NR6A1: variants seen among roughly 807,000 people sequenced by gnomAD.
NR6A1 encodes retinoic acid receptor-related testis-associated receptor.
Under a neutral mutation model 59.1 loss-of-function variants are expected in NR6A1, and 7 were observed. That is an observed-to-expected ratio of 0.12 (90% CI 0.07 to 0.22). The LOEUF (loss-of-function observed/expected upper bound fraction) is 0.22, where lower values mean the gene tolerates loss of function less well. NR6A1 is among the 10% of genes least tolerant of loss of function. The pLI, the probability that NR6A1 is intolerant of heterozygous loss-of-function variation, is 1.00. For synonymous variants in NR6A1, 243 were observed against 236.1 expected, an observed-to-expected ratio of 1.03 and a Z score of -0.27; for missense variants, 468 against 611.6, an observed-to-expected ratio of 0.77 and a Z score of 2.48.
chr9:124,657,748 C>T lies in NR6A1; in HGVS notation c.142+75560G>A, dbSNP rs192186126. On this transcript the variant is annotated intron_variant, in intron 2 of 9. Transcript: ENST00000487099. ...GTCCATGCTTTCATAGCTTCCCCCC[C>T]CCAGCAACCCCTAATGTGACTAGGA... 3.3e-3 allele frequency among the ~76,000 whole-genome samples: 507 copies of T among 152,150 alleles called. 5 individuals are homozygous for T. The highest frequency in any genetic ancestry group is 0.012 in the African/African-American group (487 of 41,490).
intron 2 of NR6A1, among the ~76,000 whole-genome samples, chr9:124,580,961 T>C (rs189552286): frequency 6.6e-6 from 1 of 152,142 alleles, no homozygotes; most frequent in Admixed American, 6.5e-5. Flanking sequence ...TTGAACAGGA[T>C]AGAGAACCCA....
chr9:124,628,723 C>T (rs1031939232), intron 2 of NR6A1, among the ~76,000 whole-genome samples: 3 of 152,060 alleles, frequency 2.0e-5, no homozygotes, highest in Non-Finnish European at 2.9e-5. Context: ...TCACTGCAAC[C>T]TCCGCCTCCC....
chr9:124,533,893 C>T (rs534761499), intron 7 of NR6A1, among the ~76,000 whole-genome samples: 1 of 151,920 alleles, frequency 6.6e-6, no homozygotes, highest in East Asian at 1.9e-4. Flanking sequence ...TCGTGATCTG[C>T]CTGCCTCAGC....
chr9:124,593,792 C>T (rs554024477), intron 2 of NR6A1, among the ~76,000 whole-genome samples: 3 of 152,250 alleles, frequency 2.0e-5, no homozygotes, highest in African/African-American at 4.8e-5. Context: ...GCCTCTCTTA[C>T]GGCTCTCTCT....
chr9:124,588,065 T>A (rs1834986788), intron 2 of NR6A1, among the ~76,000 whole-genome samples: 1 of 152,228 alleles, frequency 6.6e-6, no homozygotes, highest in Non-Finnish European at 1.5e-5. Context: ...TTCTCCAAAG[T>A]GCTCACTTTG....
At position 124,643,532 on chromosome 9, in the gene NR6A1, G is replaced by A. The variant is rs188098477; in HGVS notation, c.143-88962C>T. On this transcript the variant is annotated intron_variant, in intron 2 of 9. Transcript: ENST00000487099. ...GGAGGATTGCTGGAGCCCAAGAGAC[G>A]AAGGGAGCAGTGAGCCAAGATTCCG... Among the ~76,000 whole-genome samples the A allele has an allele frequency of 3.8e-4, 58 of 151,118 alleles. 1 individual carries two copies. The East Asian group carries it at 3.9e-3, about 10-fold the overall frequency.
At chr9:124,726,046 C>T (rs939323536) in intron 2 of NR6A1, among the ~76,000 whole-genome samples, 2 of 152,084 alleles carry the variant, frequency 1.3e-5, no homozygotes, top group African/African-American at 4.8e-5. Flanking sequence ...TTTATGGTAC[C>T]AATCACAGGG....
rs981853590 is a variant in NR6A1, at chr9:124,689,216, TAA to T, written c.142+44090_142+44091del. Among the ~76,000 whole-genome samples, 170 of 152,334 alleles carry T rather than the reference TAA, an allele frequency of 1.1e-3. 2 individuals carry two copies. Among genetic ancestry groups the T allele is most frequent in the African/African-American group, 3.6e-3 (150 of 41,580 alleles). On this transcript the variant is annotated intron_variant, in intron 2 of 9. Transcript: ENST00000487099. ...ATTATCTTAACAACTTAAATACCTT[TAA>T]AATAACATATAAATCTCCATTTTAT...
intron 2 of NR6A1, among the ~76,000 whole-genome samples, chr9:124,693,291 G>GTACCAT (rs1296322832): frequency 6.6e-6 from 1 of 152,088 alleles, no homozygotes; most frequent in African/African-American, 2.4e-5. Flanking sequence ...AAGGTGCTTT[G>GTACCAT]TACCATTACT....
intron 2 of NR6A1, among the ~76,000 whole-genome samples, chr9:124,565,318 C>G (rs1588670818): frequency 6.6e-6 from 1 of 151,774 alleles, no homozygotes. Context: ...TCCCAGATAC[C>G]CAGGAGGCTG....
At chr9:124,547,608 G>A (rs1833636274) in intron 3 of NR6A1, among the ~76,000 whole-genome samples, 1 of 152,080 alleles carries the variant, frequency 6.6e-6, no homozygotes, top group African/African-American at 2.4e-5. Flanking sequence ...CACCAATAAT[G>A]GGTATACACT....
At position 124,537,495 on chromosome 9, in the gene NR6A1, T is replaced by C. The variant is rs150390877; in HGVS notation, c.824+597A>G. ...CTTAAGAAATCTCAGGATACCTTCC[T>C]GGGAGGTCTAAGCTTGATAACACTC... On this transcript the variant is annotated intron_variant, in intron 6 of 9. Transcript: ENST00000487099. Among the ~76,000 whole-genome samples the C allele has an allele frequency of 3.1e-4, 47 of 152,320 alleles. No individual in the cohort carries two copies. The East Asian group carries it at 8.3e-3, about 27-fold the overall frequency.
Position 124,536,077 on chromosome 9 carries a change from G to A in NR6A1, c.880C>T (p.Leu294=), listed in dbSNP as rs549132845. 5 of 1,614,180 alleles carry A rather than the reference G, an allele frequency of 3.1e-6. No individual in the cohort carries two copies. In the African/African-American group the frequency reaches 5.3e-5, roughly 17 times the overall value. Residue 294 remains leucine (L), a synonymous_variant, in exon 7 of 10, where the codon CTG becomes TTG. Transcript: ENST00000487099. ...FALLCRLADE[L]LFRQIAWIKK... ...ATCCAGGCAATCTGCCTAAAGAGCA[G>A]CTCGTCGGCCAGGCGGCAAAGCAGG...
chr9:124,745,236 T>C (rs1161552763), intron 1 of NR6A1, among the ~76,000 whole-genome samples: 1 of 149,930 alleles, frequency 6.7e-6, no homozygotes, highest in Non-Finnish European at 1.5e-5. Context: ...AGCTCAGGTA[T>C]ATTCCAATAC....
intron 6 of NR6A1, 59 bp downstream of exon 6, chr9:124,538,033 G>T: frequency 7.0e-7 from 1 of 1,418,654 alleles, no homozygotes; most frequent in Non-Finnish European, 9.7e-7. Context: ...GACGCGAGTG[G>T]GTGTGGGGTA....
intron 2 of NR6A1, among the ~76,000 whole-genome samples, chr9:124,666,275 CTTTTTTT>C (rs922378385): frequency 9.7e-6 from 1 of 103,070 alleles, no homozygotes; most frequent in Non-Finnish European, 1.9e-5. Flanking sequence ...CTATGTGGTT[CTTTTTTT>C]TTTTTTTTTT....
intron 2 of NR6A1, among the ~76,000 whole-genome samples, chr9:124,643,907 GT>G (rs1467474548): frequency 1.3e-5 from 2 of 151,802 alleles, no homozygotes; most frequent in Non-Finnish European, 2.9e-5. Flanking sequence ...GGGTTTTTTT[GT>G]TTTTGTTTTT....
intron 2 of NR6A1, among the ~76,000 whole-genome samples, chr9:124,682,139 C>T (rs771045010): frequency 1.3e-5 from 2 of 151,986 alleles, no homozygotes; most frequent in Admixed American, 6.6e-5. Flanking sequence ...GGACTACAGG[C>T]GCCCACCACC....
At chr9:124,620,111 A>T (rs1476243923) in intron 2 of NR6A1, among the ~76,000 whole-genome samples, 1 of 152,164 alleles carries the variant, frequency 6.6e-6, no homozygotes, top group African/African-American at 2.4e-5. Flanking sequence ...ATATACATAT[A>T]TAAATATAAC....
Sources: gnomAD v4.1 joint callset for allele counts (sites outside exome capture counted in the v4.1 genomes callset) on GRCh38, gnomAD v4.1.1 for gene constraint, MANE v1.5 for transcripts, NCBI Gene and HGNC (gene_info 2026-07-23, HGNC 2026-07-21) for gene names.